The following DAPK1 variants were observed in gnomAD, a reference collection of about 807,000 sequenced individuals.
DAPK1 encodes the protein death associated protein kinase 1.
DAPK1 carries 56 observed loss-of-function variants against 144.9 expected under a neutral mutation model. The observed-to-expected ratio is 0.39, with a 90% CI of 0.31 to 0.48. The LOEUF is 0.48. Among genes scored for constraint, DAPK1 ranks in the 20% least tolerant of loss-of-function variants. The pLI is 0.95. For missense variants in DAPK1, 1,454 were observed against 1,875.4 expected, an observed-to-expected ratio of 0.78 and a Z score of 4.15; for synonymous variants, 690 against 749.0, an observed-to-expected ratio of 0.92 and a Z score of 1.29.
chr9:87,662,887 T>A (rs1830914275), intron 18 of DAPK1, among the ~76,000 whole-genome samples: 1 of 152,052 alleles, frequency 6.6e-6, no homozygotes, highest in African/African-American at 2.4e-5. Flanking sequence ...ATTCTTTGGT[T>A]TATACAAAGC....
chr9:87,614,151 A>G (rs1829018547), intron 3 of DAPK1, among the ~76,000 whole-genome samples: 1 of 152,198 alleles, frequency 6.6e-6, no homozygotes, highest in Non-Finnish European at 1.5e-5. Flanking sequence ...TTCAGTTGAA[A>G]AGTGTTCCCT....
intron 17 of DAPK1, 21 bp from the exon 18 acceptor site, chr9:87,658,008 G>C (rs1454727640): frequency 1.0e-6 from 1 of 958,072 alleles, no homozygotes; most frequent in African/African-American, 1.6e-5. Flanking sequence ...ACGACCTTTG[G>C]CCTTTTTTCT....
intron 2 of DAPK1, 31 bp from the exon 3 acceptor site, chr9:87,604,923 C>T (rs1032593516): frequency 3.1e-6 from 5 of 1,598,508 alleles, no homozygotes; most frequent in Admixed American, 1.7e-5. Flanking sequence ...TTTTTATGAA[C>T]GATAAAGAAT....
chr9:87,553,496 C>CTTTTTTT (rs869260287), intron 2 of DAPK1: 1 of 80,450 alleles, frequency 1.2e-5, no homozygotes. Flanking sequence ...CTTTTCTTTT[C>CTTTTTTT]TTTTTTTTTT....
intron 24 of DAPK1, among the ~76,000 whole-genome samples, chr9:87,700,963 T>C (rs1198583008): frequency 6.6e-6 from 1 of 152,244 alleles, no homozygotes; most frequent in Non-Finnish European, 1.5e-5. Flanking sequence ...ATGACTATTT[T>C]ATTTTTCCCT....
intron 20 of DAPK1, among the ~76,000 whole-genome samples, chr9:87,683,510 T>TGA (rs941792061): frequency 3.3e-5 from 5 of 151,064 alleles, no homozygotes; most frequent in East Asian, 1.9e-4. Flanking sequence ...GGGTGGGATA[T>TGA]GAGAGAGAGA....
chr9:87,683,395 T>G (rs1358022766), intron 20 of DAPK1, among the ~76,000 whole-genome samples: 1 of 152,190 alleles, frequency 6.6e-6, no homozygotes, highest in Non-Finnish European at 1.5e-5. Flanking sequence ...GTGTGATTTC[T>G]GCTCTAGTTG....
chr9:87,661,287 G>C (rs1323469015), intron 18 of DAPK1, among the ~76,000 whole-genome samples: 1 of 152,202 alleles, frequency 6.6e-6, no homozygotes, highest in Non-Finnish European at 1.5e-5. Flanking sequence ...GTGCAGGTAT[G>C]TTTTTGACAT....
At chr9:87,571,628 G>T (rs1827365791) in intron 2 of DAPK1, among the ~76,000 whole-genome samples, 1 of 152,052 alleles carries the variant, frequency 6.6e-6, no homozygotes, top group African/African-American at 2.4e-5. Context: ...TAAATGGATG[G>T]TTGCATCCTG....
intron 22 of DAPK1, 154 bp from the exon 23 acceptor site, chr9:87,698,502 A>C: frequency 3.1e-6 from 2 of 646,606 alleles, no homozygotes; most frequent in Admixed American, 5.0e-5. Flanking sequence ...GTCACAGTGC[A>C]CAGCAGGCGT....
chr9:87,707,000 G>A lies in DAPK1; in HGVS notation c.3929G>A (p.Arg1310Gln), dbSNP rs760953321. The part of the protein sequence containing the change: ...IHASDLNLLT[R>Q]RKLSRLLDPP... Reference sequence around the variant, plus strand: ...GCATCAGACCTGAACCTCCTCACTCGGAGGAAACTGAGTCGCCTGCTGGAC... The same window carrying A: ...GCATCAGACCTGAACCTCCTCACTCAGAGGAAACTGAGTCGCCTGCTGGAC... Residue 1310 changes from arginine to glutamine, a missense_variant, in exon 26 of 26, where the codon CGG becomes CAG. Around this residue, in one of 2 missense-constraint regions of DAPK1, gnomAD observed 1,025 missense variants for 1,237.9 expected, o/e 0.83. Coordinates refer to ENST00000408954, the MANE Select transcript of DAPK1 (RefSeq NM_004938.4). This position sits in a 1 kb window ranked among gnomAD's most constrained non-coding sequence, Gnocchi z 9.0. The A allele has an allele frequency of 1.6e-5, 26 of 1,613,318 alleles. No homozygotes were observed. The highest frequency in any genetic ancestry group is 3.3e-5 in the South Asian group (3 of 91,064).
chr9:87,508,866 A>G (rs1009245734), intron 2 of DAPK1, among the ~76,000 whole-genome samples: 1 of 152,230 alleles, frequency 6.6e-6, no homozygotes, highest in African/African-American at 2.4e-5. Flanking sequence ...GGTACACCTA[A>G]AGCAATGCAA....
chr9:87,669,663 C>T (rs542442474), intron 19 of DAPK1, among the ~76,000 whole-genome samples: 3 of 152,056 alleles, frequency 2.0e-5, no homozygotes, highest in Admixed American at 6.5e-5. Context: ...AAGTTCTTGC[C>T]ATATAGACCG....
intron 21 of DAPK1, among the ~76,000 whole-genome samples, chr9:87,692,618 T>G (rs1825100554): frequency 6.6e-6 from 1 of 152,198 alleles, no homozygotes; most frequent in Admixed American, 6.5e-5. Context: ...GTCCTTTCTC[T>G]TCCTTAATAT....
intron 2 of DAPK1, among the ~76,000 whole-genome samples, chr9:87,534,079 TG>T (rs1296676760): frequency 6.7e-6 from 1 of 148,778 alleles, no homozygotes; most frequent in Non-Finnish European, 1.5e-5. Flanking sequence ...TGTGATCCTG[TG>T]GGAATTATTA....
intron 2 of DAPK1, among the ~76,000 whole-genome samples, chr9:87,523,659 A>G (rs1825382873): frequency 6.6e-6 from 1 of 152,128 alleles, no homozygotes. Flanking sequence ...TTGATGGCTT[A>G]TTATGTATGT....
intron 2 of DAPK1, among the ~76,000 whole-genome samples, chr9:87,518,918 G>GAA (rs34534596): frequency 3.7e-4 from 53 of 144,716 alleles, no homozygotes; most frequent in South Asian, 8.8e-4. Flanking sequence ...ATCTTTCCAG[G>GAA]AAAAAAAAAA....
At chr9:87,694,874 A>ACT (rs1224998098) in intron 21 of DAPK1, among the ~76,000 whole-genome samples, 1 of 152,154 alleles carries the variant, frequency 6.6e-6, no homozygotes, top group Non-Finnish European at 1.5e-5. Flanking sequence ...TCGGACTCAG[A>ACT]GAGTGCGTGG....
intron 2 of DAPK1, among the ~76,000 whole-genome samples, chr9:87,522,849 G>C (rs532374906): frequency 3.3e-5 from 5 of 152,312 alleles, no homozygotes; most frequent in Admixed American, 2.6e-4. Context: ...GTATGAATAA[G>C]TGTAAGCATG....
Sources: gnomAD v4.1 joint callset for allele counts (sites outside exome capture counted in the v4.1 genomes callset) on GRCh38, gnomAD v4.1.1 for gene constraint, gnomAD v4.1.1 regional missense constraint, Gnocchi (gnomAD v3.1) non-coding constraint, MANE v1.5 for transcripts, NCBI Gene and HGNC (gene_info 2026-07-23, HGNC 2026-07-21) for gene names.